FOXP2: variants seen among roughly 807,000 people sequenced by gnomAD.
The protein encoded by FOXP2 is forkhead box P2, also known as forkhead box protein P2.
FOXP2 carries 12 observed loss-of-function variants against 115.8 expected under a neutral mutation model. That is an observed-to-expected ratio of 0.10 (90% CI 0.07 to 0.17). The LOEUF (loss-of-function observed/expected upper bound fraction) is 0.17, where lower values mean the gene tolerates loss of function less well. Ranked by LOEUF, FOXP2 falls within the 10% of genes least tolerant of loss-of-function variation. FOXP2 has a pLI of 1.00. For synonymous variants in FOXP2, 328 were observed against 297.7 expected (o/e 1.10, Z -1.05); for missense variants, 629 against 843.5 (o/e 0.75, Z 3.15).
chr7:114,316,386 G>A (rs1797276305), intron 2 of FOXP2, among the ~76,000 whole-genome samples: 1 of 152,152 alleles, frequency 6.6e-6, no homozygotes, highest in Non-Finnish European at 1.5e-5. Context: ...AGCATATACA[G>A]TGTGAAAGGC....
rs1490225192 is a variant in FOXP2, at chr7:114,313,552, C to T, written c.-11+25443C>T. ...CGAGGTCAGGAGATCGAGACCATCC[C>T]GGCTAAAACGGTGAAACCCCGTCTC... On this transcript the variant is annotated intron_variant, in intron 2 of 17. Coordinates refer to the FOXP2 transcript ENST00000634411. Among the ~76,000 whole-genome samples the T allele has an allele frequency of 1.4e-4, 8 of 57,900 alleles. 1 individual carries two copies. Among genetic ancestry groups the T allele is most frequent in the East Asian group, 9.5e-4 (2 of 2,106 alleles). 38.0% of individuals were successfully genotyped at this position (57,900 alleles called of 152,430 possible).
chr7:114,580,879 A>G (rs1310409877), intron 3 of FOXP2, among the ~76,000 whole-genome samples: 1 of 152,028 alleles, frequency 6.6e-6, no homozygotes, highest in Non-Finnish European at 1.5e-5. Flanking sequence ...GCATTTTTGG[A>G]AGTCATATAA....
At chr7:114,286,472 G>GA (rs1201634352) in intron 1 of FOXP2, among the ~76,000 whole-genome samples, 2 of 151,868 alleles carry the variant, frequency 1.3e-5, no homozygotes, top group Non-Finnish European at 2.9e-5. Flanking sequence ...ATTGGCAAGG[G>GA]AAAATAAGTC....
intron 1 of FOXP2, among the ~76,000 whole-genome samples, chr7:114,229,011 T>C (rs1584561060): frequency 6.6e-6 from 1 of 151,772 alleles, no homozygotes; most frequent in East Asian, 1.9e-4. Flanking sequence ...AGACTCACTT[T>C]AGACGTAAGG....
At chr7:114,661,964 T>G (rs1806888431) in intron 13 of FOXP2, 101 bp from the exon 14 acceptor site, 7 of 1,441,452 alleles carry the variant, frequency 4.9e-6, no homozygotes, top group Non-Finnish European at 6.7e-6. Flanking sequence ...CATGTTAAGA[T>G]TTTTCACTCT....
At chr7:114,235,614 G>T (rs1242575890) in intron 1 of FOXP2, among the ~76,000 whole-genome samples, 2 of 152,120 alleles carry the variant, frequency 1.3e-5, no homozygotes, top group Non-Finnish European at 2.9e-5. Context: ...TTGCTTTGAA[G>T]ATAATTTCCT....
At chr7:114,403,016 G>C (rs1199453004) in intron 2 of FOXP2, among the ~76,000 whole-genome samples, 1 of 152,062 alleles carries the variant, frequency 6.6e-6, no homozygotes, top group East Asian at 1.9e-4. Context: ...TTCATAGACT[G>C]TCTAGATTCC....
chr7:114,428,356 T>G lies in FOXP2; in HGVS notation c.168+1677T>G, dbSNP rs570388560. Among the ~76,000 whole-genome samples, 59 of 151,706 alleles carry G rather than the reference T, an allele frequency of 3.9e-4. 1 individual carries two copies. The highest frequency in any genetic ancestry group is 3.4e-3 in the Middle Eastern group (1 of 294). On this transcript the variant is annotated intron_variant, in intron 2 of 16. Transcript: ENST00000350908. Reference sequence around the variant, plus strand: ...AGATTTTAGTACTCTGGAGGCATTTTGATTAGGTCTATAAGGTGTGTTTAT... The same window carrying G: ...AGATTTTAGTACTCTGGAGGCATTTGGATTAGGTCTATAAGGTGTGTTTAT...
chr7:114,116,528 A>C (rs1459124196), intron 1 of FOXP2, among the ~76,000 whole-genome samples: 2 of 152,142 alleles, frequency 1.3e-5, no homozygotes, highest in Non-Finnish European at 2.9e-5. Context: ...TTGAAGTGAT[A>C]GGTATAAAGA....
At chr7:114,543,492 T>C (rs1799778889) in intron 3 of FOXP2, among the ~76,000 whole-genome samples, 1 of 152,182 alleles carries the variant, frequency 6.6e-6, no homozygotes, top group Admixed American at 6.5e-5. Flanking sequence ...AGTTAACAAC[T>C]TTAAAAATTT....
At chr7:114,444,417 C>T (rs1463280951) in intron 2 of FOXP2, among the ~76,000 whole-genome samples, 1 of 152,178 alleles carries the variant, frequency 6.6e-6, no homozygotes, top group Non-Finnish European at 1.5e-5. Flanking sequence ...GTGATTTCCA[C>T]AACCACAAGT....
intron 1 of FOXP2, among the ~76,000 whole-genome samples, chr7:114,191,997 G>T (rs1793771841): frequency 6.6e-6 from 1 of 152,030 alleles, no homozygotes. Context: ...GTGTCATATA[G>T]TTGGAATACT....
Position 114,340,448 on chromosome 7 carries a change from C to T in FOXP2, c.-11+52339C>T, listed in dbSNP as rs145833767. ...ATGGTAAATATATTTTCTTTGATTA[C>T]TTTCCATATCATTCAATTAAATATT... On this transcript the variant is annotated intron_variant, in intron 2 of 17. Transcript: ENST00000634411. Among the ~76,000 whole-genome samples the T allele has an allele frequency of 1.5e-3, 225 of 151,274 alleles. 1 individual carries two copies. Among genetic ancestry groups the T allele is most frequent in the African/African-American group, 5.1e-3 (210 of 41,474 alleles).
chr7:114,150,871 A>G (rs1436630803), intron 1 of FOXP2, among the ~76,000 whole-genome samples: 1 of 152,038 alleles, frequency 6.6e-6, no homozygotes, highest in Non-Finnish European at 1.5e-5. Flanking sequence ...ACAGCCTGGA[A>G]CTGTGGCATT....
chr7:114,403,210 A>G (rs1792935574), intron 2 of FOXP2, among the ~76,000 whole-genome samples: 1 of 152,198 alleles, frequency 6.6e-6, no homozygotes, highest in Non-Finnish European at 1.5e-5. Flanking sequence ...CATGCATAAA[A>G]ACACTAATGG....
chr7:114,584,579 C>T (rs934597331), intron 3 of FOXP2, among the ~76,000 whole-genome samples: 4 of 152,154 alleles, frequency 2.6e-5, no homozygotes, highest in Non-Finnish European at 5.9e-5. Context: ...ATTCTTTAGT[C>T]TATGCTACTT....
chr7:114,677,989 A>G (rs1807867536), intron 16 of FOXP2, among the ~76,000 whole-genome samples: 1 of 152,224 alleles, frequency 6.6e-6, no homozygotes, highest in Non-Finnish European at 1.5e-5. Context: ...CATAGGTAGT[A>G]TCAGAGACCA....
At chr7:114,602,994 A>C (rs546206289) in intron 3 of FOXP2, among the ~76,000 whole-genome samples, 58 of 152,210 alleles carry the variant, frequency 3.8e-4, no homozygotes, top group Non-Finnish European at 6.5e-4. Context: ...TTATGTTGAC[A>C]ACTTGAGTAC....
intron 1 of FOXP2, among the ~76,000 whole-genome samples, chr7:114,146,722 G>T (rs1792381658): frequency 6.6e-6 from 1 of 152,174 alleles, no homozygotes; most frequent in Admixed American, 6.5e-5. Flanking sequence ...GGCATAGGAG[G>T]AAAACAATTG....
Sources: allele counts gnomAD v4.1 joint callset (sites outside exome capture counted in the v4.1 genomes callset), GRCh38; gene constraint gnomAD v4.1.1; transcripts MANE v1.5; gene names NCBI Gene and HGNC (gene_info 2026-07-23, HGNC 2026-07-21).